ZNF280B: variants seen among roughly 807,000 people sequenced by gnomAD.
The protein encoded by ZNF280B is suppressor of hairy wing homolog 2.
In ZNF280B, 16 loss-of-function variants were observed where a neutral mutation model predicts 38.0. That is an observed-to-expected ratio of 0.42 (90% confidence interval 0.28 to 0.64). ZNF280B has a LOEUF of 0.64. Ranked by LOEUF, ZNF280B falls within the 30% of genes least tolerant of loss-of-function variation. ZNF280B has a pLI of 0.21. For missense variants in ZNF280B, 581 were observed against 639.6 expected, an observed-to-expected ratio of 0.91 and a Z score of 0.99; for synonymous variants, 253 against 230.6, an observed-to-expected ratio of 1.10 and a Z score of -0.88.
At chr22:22,492,321 C>T (rs2061611270) in intron 3 of ZNF280B, among the ~76,000 whole-genome samples, 1 of 151,860 alleles carries the variant, frequency 6.6e-6, no homozygotes, top group Admixed American at 6.6e-5. Flanking sequence ...TCACCTAGCC[C>T]AGTGTTTCCT....
rs373928471 is a variant in ZNF280B at position 22,488,010 on chromosome 22, G to T, written c.1389C>A (p.Ser463=). ...AAGTTAAAAACTGTAGCCGGCACTT[G>T]GAACACTGGTGTGCACTCTTTCCCC... ...GHWGKSAHQC[S]KCRLQFLTFK... is the part of the protein sequence containing the mutation. Residue 463 remains serine, a synonymous_variant, in exon 4 of 4, where the codon TCC becomes TCA. Coordinates refer to ENST00000626650, the MANE Select transcript of ZNF280B (RefSeq NM_080764.4). 1 of 1,613,414 alleles carries T rather than the reference G, an allele frequency of 6.2e-7. No individual in the cohort carries two copies. Among genetic ancestry groups the T allele is most frequent in the Admixed American group, 1.7e-5 (1 of 59,890 alleles).
In ZNF280B at chr22:22,508,741, A is replaced by G. The variant is rs1304199299; in HGVS notation, c.-330T>C. 6.6e-6 allele frequency: 1 copy of G among 151,728 alleles called. No individual in the cohort carries two copies. The highest frequency in any genetic ancestry group is 1.5e-5 in the Non-Finnish European group (1 of 67,970). The allele number at this position is 151,728 out of a possible 1,614,324, so 9.4% of individuals were successfully genotyped here. ...TCCCGGGGCACAGCCGGCGGCGACT[A>G]CGCCTCCTCAGGCCCCCGGCGCCGC... On this transcript the variant is annotated 5_prime_UTR_variant, in exon 1 of 4. Transcript: ENST00000626650.
intron 2 of ZNF280B, among the ~76,000 whole-genome samples, chr22:22,504,096 T>C (rs1379586257): frequency 6.6e-6 from 1 of 151,958 alleles, no homozygotes; most frequent in African/African-American, 2.4e-5. Context: ...TAAACACACT[T>C]GTAGTTTACA....
At chr22:22,504,180 T>C (rs2061885114) in intron 2 of ZNF280B, among the ~76,000 whole-genome samples, 1 of 151,932 alleles carries the variant, frequency 6.6e-6, no homozygotes, top group African/African-American at 2.4e-5. Context: ...ACGCCTGTAA[T>C]CCCAGCACTT....
At chr22:22,508,952 A>C (rs2061998014), upstream of ZNF280B, 1 of 152,552 alleles carries the variant, frequency 6.6e-6, no homozygotes, top group Non-Finnish European at 1.5e-5. Context: ...TGAGGCCTTG[A>C]AAGGATCTTG....
chr22:22,494,491 C>T (rs1158797358), intron 2 of ZNF280B, among the ~76,000 whole-genome samples: 1 of 151,904 alleles, frequency 6.6e-6, no homozygotes, highest in Admixed American at 6.6e-5. Context: ...CAAATGTCCA[C>T]CAATGGATGA....
At chr22:22,491,285 CA>C (rs1374711021) in intron 3 of ZNF280B, among the ~76,000 whole-genome samples, 15 of 151,090 alleles carry the variant, frequency 9.9e-5, no homozygotes, top group Admixed American at 6.6e-4. Context: ...TTCCGTAGGC[CA>C]ATAAAGGACT....
In ZNF280B at chr22:22,502,886, T is replaced by C. The variant is rs80314616; in HGVS notation, c.-187+4924A>G. Among the ~76,000 whole-genome samples the C allele has an allele frequency of 1.5e-4, 23 of 152,042 alleles. No individual in the cohort carries two copies. In the East Asian group the frequency reaches 3.3e-3, roughly 22 times the overall value. ...AAAAGGATCTTTGCAGATGGGAAAA[T>C]TATCCTGGACTATACAGGTGGGCCC... On this transcript the variant is annotated intron_variant, in intron 2 of 3. Coordinates refer to ENST00000626650, the MANE Select transcript of ZNF280B (RefSeq NM_080764.4).
At chr22:22,501,035 A>AC (rs1459753000) in intron 2 of ZNF280B, among the ~76,000 whole-genome samples, 6 of 140,320 alleles carry the variant, frequency 4.3e-5, no homozygotes, top group Non-Finnish European at 6.1e-5. Flanking sequence ...AAAAAAAAAA[A>AC]AAAAAACAAA....
rs1234356813 is a variant in ZNF280B, at chr22:22,485,257, T to C, written c.*2510A>G. On this transcript the variant is annotated 3_prime_UTR_variant, in exon 4 of 4. Coordinates refer to ENST00000626650, the MANE Select transcript of ZNF280B (RefSeq NM_080764.4). ...GATAATACCAACCAATCACTCAACA[T>C]ACAACTAAAACACTTCATATTTTTA... The C allele has an allele frequency of 6.6e-6, 1 of 151,928 alleles. No individual in the cohort carries two copies. Among genetic ancestry groups the C allele is most frequent in the Non-Finnish European group, 1.5e-5 (1 of 68,016 alleles). 9.4% of individuals were successfully genotyped at this position (151,928 alleles called of 1,614,324 possible). A position where few individuals can be genotyped will look rare whatever the true frequency, so the allele number is the denominator to read the frequency against.
At chr22:22,495,035 C>T in intron 2 of ZNF280B, among the ~76,000 whole-genome samples, 1 of 151,860 alleles carries the variant, frequency 6.6e-6, no homozygotes, top group Admixed American at 6.6e-5. Flanking sequence ...CTCTAGTAAA[C>T]CATTGTTATA....
Position 22,489,494 on chromosome 22 carries a change from C to T in ZNF280B, c.-68-28G>A, listed in dbSNP as rs73878492. On this transcript the variant is annotated intron_variant, in intron 3 of 3. Transcript: ENST00000626650. The stretch of plus-strand genomic sequence containing the variant: ...AAGTACAAACATACATCAGTAAGTA[C>T]AGGAAAATGCATTACCTTATTTAAT... 9.9e-4 allele frequency: 1,034 copies of T among 1,039,336 alleles called. 8 individuals carry two copies. The African/African-American group carries it at 0.015, about 15-fold the overall frequency. 64.4% of individuals were successfully genotyped at this position (1,039,336 alleles called of 1,614,324 possible). A position where few individuals can be genotyped will look rare whatever the true frequency, so the allele number is the denominator to read the frequency against.
intron 2 of ZNF280B, among the ~76,000 whole-genome samples, chr22:22,504,814 A>G (rs1310241677): frequency 6.6e-6 from 1 of 151,968 alleles, no homozygotes; most frequent in Non-Finnish European, 1.5e-5. Flanking sequence ...AGAGAAAAGG[A>G]GAAAGGGAAG....
intron 2 of ZNF280B, among the ~76,000 whole-genome samples, chr22:22,507,463 G>A (rs1017456482): frequency 1.3e-5 from 2 of 151,774 alleles, no homozygotes; most frequent in African/African-American, 4.8e-5. Context: ...CCCCTGTCCT[G>A]CTGCATGCAG....
chr22:22,488,143 T>C lies in ZNF280B; in HGVS notation c.1256A>G (p.Glu419Gly), dbSNP rs2061527594. Residue 419 changes from glutamate (E) to glycine (G), a missense_variant, in exon 4 of 4, where the codon GAA becomes GGA. By Grantham distance (98) the Glu-to-Gly change is moderately conservative. Coordinates refer to ENST00000626650, the MANE Select transcript of ZNF280B (RefSeq NM_080764.4). ...TTCATGGCACGTTCTAAAATGTGTT[T>C]CTACATCAGCAAAGACCGACGATCT... Reference protein sequence around the residue: ...HYRSSVFADVETHFRTCHENT... With the variant: ...HYRSSVFADVGTHFRTCHENT... The C allele has an allele frequency of 1.9e-6, 3 of 1,613,810 alleles. No individual in the cohort carries two copies.
intron 2 of ZNF280B, among the ~76,000 whole-genome samples, chr22:22,505,996 G>C (rs577721185): frequency 1.8e-4 from 28 of 151,830 alleles, no homozygotes; most frequent in Non-Finnish European, 3.4e-4. Context: ...AGACAGGATG[G>C]AGAAATAGAG....
chr22:22,505,010 A>G (rs773603635), intron 2 of ZNF280B, among the ~76,000 whole-genome samples: 6 of 151,992 alleles, frequency 3.9e-5, no homozygotes, highest in Admixed American at 1.3e-4. Context: ...ACATGGTTAT[A>G]TAAACACTAG....
At chr22:22,506,967 C>G (rs906775583) in intron 2 of ZNF280B, among the ~76,000 whole-genome samples, 4 of 151,932 alleles carry the variant, frequency 2.6e-5, no homozygotes, top group Non-Finnish European at 5.9e-5. Context: ...CAAGCACATA[C>G]AGCAGGAAGT....
At chr22:22,506,626 C>T (rs977672019) in intron 2 of ZNF280B, among the ~76,000 whole-genome samples, 1 of 151,678 alleles carries the variant, frequency 6.6e-6, no homozygotes. Flanking sequence ...GCATCAAAAA[C>T]GAGATCTTTA....
Sources: gnomAD v4.1 joint callset for allele counts (sites outside exome capture counted in the v4.1 genomes callset) on GRCh38, gnomAD v4.1.1 for gene constraint, MANE v1.5 for transcripts, NCBI Gene and HGNC (gene_info 2026-07-23, HGNC 2026-07-21) for gene names.